WDR4: variants seen among roughly 807,000 people sequenced by gnomAD.
The protein encoded by WDR4 is tRNA (guanine-N(7)-)-methyltransferase non-catalytic subunit WDR4.
WDR4 carries 47 observed loss-of-function variants against 48.6 expected under a neutral mutation model. The ratio of observed to expected loss-of-function variants is 0.97; its 90% CI spans 0.77 to 1.23. The LOEUF is 1.23. Among genes scored for constraint, WDR4 ranks in the 50% most tolerant of loss-of-function variants. The pLI, the probability that WDR4 is intolerant of heterozygous loss-of-function variation, is 0.00. For missense variants in WDR4, 606 were observed against 551.6 expected (o/e 1.10, Z -0.99); for synonymous variants, 268 against 230.0 (o/e 1.17, Z -1.49).
At chr21:42,879,610 C>T, upstream of WDR4, 1 of 1,320,800 alleles carries the variant, frequency 7.6e-7, no homozygotes. Flanking sequence ...CCACGTACCG[C>T]GCATGCTCAA....
At chr21:42,890,338 A>T in the WDR4 span, among the ~76,000 whole-genome samples, 5 of 152,170 alleles carry the variant, frequency 3.3e-5, no homozygotes, top group Non-Finnish European at 5.9e-5. Flanking sequence ...GTTCGAGACC[A>T]GCTTGACCAA....
chr21:42,848,733 G>A (rs1279482827), downstream of WDR4, among the ~76,000 whole-genome samples: 2 of 50,180 alleles, frequency 4.0e-5, no homozygotes, highest in Non-Finnish European at 3.6e-5. Context: ...ACGATCACAC[G>A]GCGCGCACCT....
chr21:42,859,059 A>T (rs962342189), intron 6 of WDR4, among the ~76,000 whole-genome samples: 1 of 152,054 alleles, frequency 6.6e-6, no homozygotes, highest in Non-Finnish European at 1.5e-5. Context: ...CTCATCACTA[A>T]ACTGTAAGGC....
At chr21:42,879,670 G>A, upstream of WDR4, 5 of 709,968 alleles carry the variant, frequency 7.0e-6, no homozygotes, top group Non-Finnish European at 1.1e-5. Flanking sequence ...CCGCCCTCCG[G>A]GTTGTGGCTG....
downstream of WDR4, among the ~76,000 whole-genome samples, chr21:42,847,809 A>AGCG (rs1408510401): frequency 6.6e-6 from 1 of 151,646 alleles, no homozygotes; most frequent in Non-Finnish European, 1.5e-5. Flanking sequence ...GGCAGGATGC[A>AGCG]GCGCATGGGC....
chr21:42,871,746 C>T (rs373353670), intron 3 of WDR4, among the ~76,000 whole-genome samples: 1 of 152,172 alleles, frequency 6.6e-6, no homozygotes, highest in Non-Finnish European at 1.5e-5. Flanking sequence ...CTGACGCATA[C>T]TCTTTGGTTT....
intron 6 of WDR4, among the ~76,000 whole-genome samples, chr21:42,857,608 G>C (rs1325336177): frequency 6.6e-6 from 1 of 152,214 alleles, no homozygotes; most frequent in Admixed American, 6.5e-5. Flanking sequence ...TGAGATAAGA[G>C]ACACGTGCAC....
intron 1 of WDR4, among the ~76,000 whole-genome samples, chr21:42,877,472 TA>T (rs34300654): frequency 0.21 from 28,403 of 133,870 alleles, 2,812 homozygotes; most frequent in Non-Finnish European, 0.23. Flanking sequence ...AGCACTTTGT[TA>T]AAAAAAAAAA....
chr21:42,888,572 A>C, the WDR4 span, among the ~76,000 whole-genome samples: 5 of 151,986 alleles, frequency 3.3e-5, no homozygotes, highest in Admixed American at 6.6e-5. Flanking sequence ...ATAAATAAAT[A>C]AATCAATAAA....
At chr21:42,854,465 C>T (rs905735362) in intron 8 of WDR4, 97 bp downstream of exon 8, 2 of 1,253,972 alleles carry the variant, frequency 1.6e-6, no homozygotes, top group African/African-American at 1.5e-5. Flanking sequence ...CCGTTCAGGA[C>T]CTCTTCATTG....
chr21:42,856,007 A>G (rs2057981361), intron 6 of WDR4, among the ~76,000 whole-genome samples: 1 of 152,230 alleles, frequency 6.6e-6, no homozygotes, highest in South Asian at 2.1e-4. Context: ...TCGAGTGCCA[A>G]TATGCCCAGG....
chr21:42,863,925 T>C (rs2058182343), intron 3 of WDR4, among the ~76,000 whole-genome samples: 3 of 80,836 alleles, frequency 3.7e-5, no homozygotes, highest in Non-Finnish European at 7.0e-5. Flanking sequence ...GCTAACACGG[T>C]GAAAACCCCG....
At chr21:42,888,092 A>C in the WDR4 span, among the ~76,000 whole-genome samples, 3 of 152,160 alleles carry the variant, frequency 2.0e-5, no homozygotes, top group Non-Finnish European at 4.4e-5. Context: ...TATGTGGTTC[A>C]TCCTAGTTTT....
intron 5 of WDR4, among the ~76,000 whole-genome samples, chr21:42,861,327 G>A (rs1191297357): frequency 1.4e-5 from 2 of 146,484 alleles, no homozygotes; most frequent in Non-Finnish European, 3.0e-5. Context: ...AAGGAAGGGA[G>A]GGGAAGGGTG....
intron 6 of WDR4, among the ~76,000 whole-genome samples, chr21:42,858,970 CCT>C (rs1282716598): frequency 6.6e-6 from 1 of 152,082 alleles, no homozygotes; most frequent in East Asian, 1.9e-4. Flanking sequence ...AGAATCAGAC[CCT>C]GTGAGGAATC....
At chr21:42,848,721 G>A (rs1310087495), downstream of WDR4, among the ~76,000 whole-genome samples, 4 of 90,052 alleles carry the variant, frequency 4.4e-5, no homozygotes, top group East Asian at 3.8e-4. Context: ...CTCACACAGC[G>A]CACGATCACA....
chr21:42,869,660 G>A (rs1231770448), intron 3 of WDR4, among the ~76,000 whole-genome samples: 1 of 151,432 alleles, frequency 6.6e-6, no homozygotes, highest in African/African-American at 2.4e-5. Flanking sequence ...GAAAAACATA[G>A]GATATGGAAA....
chr21:42,864,126 A>AAAAAG (rs1569326685), intron 3 of WDR4, among the ~76,000 whole-genome samples: 38 of 144,294 alleles, frequency 2.6e-4, no homozygotes, highest in Middle Eastern at 3.4e-3. Flanking sequence ...AAAAAAAAAA[A>AAAAAG]AAAAGAAAAG....
At chr21:42,848,224 G>A (rs1481818136), downstream of WDR4, among the ~76,000 whole-genome samples, 1 of 152,220 alleles carries the variant, frequency 6.6e-6, no homozygotes, top group African/African-American at 2.4e-5. Context: ...CAGCAGGTAG[G>A]AGCCGGCCTG....
Sources: gnomAD v4.1 joint callset for allele counts (sites outside exome capture counted in the v4.1 genomes callset) on GRCh38, gnomAD v4.1.1 for gene constraint, MANE v1.5 for transcripts, NCBI Gene and HGNC (gene_info 2026-07-23, HGNC 2026-07-21) for gene names.